SLC9A2: variants seen among roughly 807,000 people sequenced by gnomAD.
SLC9A2 encodes sodium/hydrogen exchanger 2.
Under a neutral mutation model 71.7 loss-of-function variants are expected in SLC9A2, and 42 were observed. The observed-to-expected ratio is 0.59, with a 90% CI of 0.46 to 0.76. SLC9A2 has a LOEUF of 0.76. Ranked by LOEUF, SLC9A2 falls within the 30% of genes least tolerant of loss-of-function variation. The pLI is 0.00. For missense variants in SLC9A2, 829 were observed against 1,017.4 expected (o/e 0.81, Z 2.52); for synonymous variants, 396 against 392.5 (o/e 1.01, Z -0.10).
intron 2 of SLC9A2, among the ~76,000 whole-genome samples, chr2:102,661,800 G>A (rs186823522): frequency 6.6e-6 from 1 of 152,280 alleles, no homozygotes; most frequent in Non-Finnish European, 1.5e-5. Context: ...GTCAAGGGGA[G>A]ACCAACTTTG....
chr2:102,651,475 C>T (rs1250470463), intron 1 of SLC9A2, among the ~76,000 whole-genome samples: 1 of 152,208 alleles, frequency 6.6e-6, no homozygotes, highest in African/African-American at 2.4e-5. Flanking sequence ...TTCTTTTCTT[C>T]CCTGCTCTGG....
chr2:102,623,298 G>A (rs1227358912), intron 1 of SLC9A2, among the ~76,000 whole-genome samples: 1 of 152,150 alleles, frequency 6.6e-6, no homozygotes, highest in Non-Finnish European at 1.5e-5. Context: ...GACTGCCATG[G>A]GTAGAGTGAA....
intron 3 of SLC9A2, among the ~76,000 whole-genome samples, chr2:102,679,625 A>G (rs1417622455): frequency 6.6e-6 from 1 of 151,986 alleles, no homozygotes; most frequent in East Asian, 1.9e-4. Context: ...TGATCCGCCC[A>G]CCTCGGCCTC....
In SLC9A2 at chr2:102,683,486, G is replaced by A; in HGVS notation, c.1222+8G>A. ...TCATGTGGCGAGCCCTGGGTAATGA[G>A]TGCTTGTTTGCTAACTGGACATATG... On this transcript the variant is annotated splice_region_variant and intron_variant, in intron 4 of 11. Coordinates refer to ENST00000233969, the MANE Select transcript of SLC9A2 (RefSeq NM_003048.6). 6.2e-7 allele frequency: 1 copy of A among 1,609,538 alleles called. No homozygotes were observed.
chr2:102,656,272 C>T (rs1676940429), intron 1 of SLC9A2, among the ~76,000 whole-genome samples: 2 of 152,214 alleles, frequency 1.3e-5, no homozygotes, highest in African/African-American at 2.4e-5. Context: ...AACATGTTCT[C>T]TGTTTTAAAG....
rs750110204 is a variant in SLC9A2, at chr2:102,620,038, G to A, written c.190G>A (p.Glu64Lys). 1 of 1,614,104 alleles carries A rather than the reference G, an allele frequency of 6.2e-7. No individual in the cohort carries two copies. Among genetic ancestry groups the A allele is most frequent in the East Asian group, 2.2e-5 (1 of 44,854 alleles). ...GGTGGCTCCCGGAACGACGCTGTTC[G>A]AGGAGAGCCGGCTGCCTGTGTTTAC... The part of the protein sequence containing the change: ...SVVAPGTTLF[E>K]ESRLPVFTLD... Residue 64 changes from glutamate (E) to lysine (K), a missense_variant, in exon 1 of 12, where the codon GAG (glutamate) becomes AAG (lysine). Coordinates refer to ENST00000233969, the MANE Select transcript of SLC9A2 (RefSeq NM_003048.6).
intron 1 of SLC9A2, among the ~76,000 whole-genome samples, chr2:102,649,590 T>G (rs1393123404): frequency 2.0e-5 from 3 of 151,984 alleles, no homozygotes; most frequent in Non-Finnish European, 4.4e-5. Flanking sequence ...AGGTCTATTA[T>G]CCAGAATCTA....
At chr2:102,661,268 TAA>T (rs1318449572) in intron 2 of SLC9A2, among the ~76,000 whole-genome samples, 1 of 152,210 alleles carries the variant, frequency 6.6e-6, no homozygotes, top group Non-Finnish European at 1.5e-5. Flanking sequence ...CGAGAAGACT[TAA>T]AGAGTTTCCT....
chr2:102,668,165 G>T (rs1471893326), intron 3 of SLC9A2, among the ~76,000 whole-genome samples: 1 of 152,146 alleles, frequency 6.6e-6, no homozygotes, highest in East Asian at 1.9e-4. Context: ...TATTACCAGT[G>T]ATGTAAACAT....
chr2:102,661,153 T>A (rs1677042664), intron 2 of SLC9A2, among the ~76,000 whole-genome samples: 1 of 152,236 alleles, frequency 6.6e-6, no homozygotes, highest in African/African-American at 2.4e-5. Flanking sequence ...TCCGTTAGAA[T>A]AAATGTTGCA....
intron 1 of SLC9A2, among the ~76,000 whole-genome samples, chr2:102,642,588 A>G (rs1676604887): frequency 6.6e-6 from 1 of 152,176 alleles, no homozygotes; most frequent in South Asian, 2.1e-4. Flanking sequence ...TTTTGCATCA[A>G]TACTCCTTGC....
At chr2:102,695,227 T>C in intron 7 of SLC9A2, 114 bp downstream of exon 7, 5 of 714,140 alleles carry the variant, frequency 7.0e-6, no homozygotes, top group Non-Finnish European at 1.2e-5. Context: ...TGTACCATAG[T>C]ATGTCCTCTA....
chr2:102,632,045 C>CACATATATATAT (rs1676370044), intron 1 of SLC9A2, among the ~76,000 whole-genome samples: 1 of 97,106 alleles, frequency 1.0e-5, no homozygotes, highest in African/African-American at 4.0e-5. Flanking sequence ...TATACATACA[C>CACATATATATAT]ACACACATAT....
At chr2:102,631,705 G>C (rs1397904547) in intron 1 of SLC9A2, among the ~76,000 whole-genome samples, 1 of 151,808 alleles carries the variant, frequency 6.6e-6, no homozygotes, top group Non-Finnish European at 1.5e-5. Context: ...TATCATAATG[G>C]CTTCTCTTTA....
At chr2:102,696,914 T>G (rs1232609246) in intron 7 of SLC9A2, among the ~76,000 whole-genome samples, 2 of 152,148 alleles carry the variant, frequency 1.3e-5, no homozygotes, top group Non-Finnish European at 2.9e-5. Flanking sequence ...AGACCAGAGA[T>G]CCTATACATC....
chr2:102,684,174 C>A lies in SLC9A2; in HGVS notation c.1263C>A (p.Thr421=). 1.2e-6 allele frequency: 2 copies of A among 1,614,116 alleles called. No individual in the cohort carries two copies. The highest frequency in any genetic ancestry group is 1.7e-6 in the Non-Finnish European group (2 of 1,180,002). ...VLTQVINRFR[T]IPLTFKDQFI... is the part of the protein sequence containing the mutation. ...CTCAGGTCATTAATAGGTTCCGGAC[C>A]ATTCCCCTGACCTTTAAGGACCAGT... is the stretch of plus-strand genomic sequence containing the variant. The change falls in exon 5 of 12, where the codon ACC becomes ACA. Residue 421 remains threonine, a synonymous_variant. Coordinates refer to ENST00000233969, the MANE Select transcript of SLC9A2 (RefSeq NM_003048.6).
chr2:102,630,003 G>A (rs1364979170), intron 1 of SLC9A2, among the ~76,000 whole-genome samples: 3 of 151,994 alleles, frequency 2.0e-5, no homozygotes, highest in Non-Finnish European at 4.4e-5. Flanking sequence ...GAACATGAAA[G>A]TATTTGCTAT....
intron 1 of SLC9A2, among the ~76,000 whole-genome samples, chr2:102,644,645 T>C (rs2104510474): frequency 6.6e-6 from 1 of 152,258 alleles, no homozygotes; most frequent in African/African-American, 2.4e-5. Context: ...GTACCTGCCA[T>C]TACTGAGGGT....
intron 5 of SLC9A2, among the ~76,000 whole-genome samples, chr2:102,690,037 A>C (rs1291342104): frequency 6.6e-6 from 1 of 152,186 alleles, no homozygotes; most frequent in East Asian, 1.9e-4. Context: ...GGTTTTTAAC[A>C]CACATAAGTC....
Sources: allele counts gnomAD v4.1 joint callset (sites outside exome capture counted in the v4.1 genomes callset), GRCh38; gene constraint gnomAD v4.1.1; transcripts MANE v1.5; gene names NCBI Gene and HGNC (gene_info 2026-07-23, HGNC 2026-07-21).